ADAMTS17: variants seen among roughly 807,000 people sequenced by gnomAD.
ADAMTS17 encodes A disintegrin and metalloproteinase with thrombospondin motifs 17.
Under a neutral mutation model 141.5 loss-of-function variants are expected in ADAMTS17, and 113 were observed. The observed-to-expected ratio is 0.80, with a 90% CI of 0.69 to 0.93. The LOEUF (loss-of-function observed/expected upper bound fraction) is 0.93, where lower values mean the gene tolerates loss of function less well. ADAMTS17 is among the 40% of genes least tolerant of loss of function. ADAMTS17 has a pLI of 0.00. For missense variants in ADAMTS17, 1,659 were observed against 1,517.9 expected (o/e 1.09, Z -1.54); for synonymous variants, 768 against 630.6 (o/e 1.22, Z -3.27).
intron 18 of ADAMTS17, among the ~76,000 whole-genome samples, chr15:100,021,018 C>T (rs2061397688): frequency 6.6e-6 from 1 of 152,200 alleles, no homozygotes; most frequent in African/African-American, 2.4e-5. Flanking sequence ...GCTAGCTTGG[C>T]TCTTTCCTTG....
intron 3 of ADAMTS17, among the ~76,000 whole-genome samples, chr15:100,302,913 G>A (rs1237631811): frequency 6.6e-6 from 1 of 152,020 alleles, no homozygotes; most frequent in South Asian, 2.1e-4. Flanking sequence ...TGTGAGAAGA[G>A]AAACTGGCCT....
intron 20 of ADAMTS17, among the ~76,000 whole-genome samples, chr15:99,976,792 G>A (rs1395527454): frequency 3.9e-5 from 6 of 152,204 alleles, no homozygotes; most frequent in African/African-American, 1.4e-4. Context: ...CTCCAGAACT[G>A]TAAGGAATAA....
At chr15:100,131,366 G>GAAAAAAA (rs11398544) in intron 12 of ADAMTS17, among the ~76,000 whole-genome samples, 1 of 127,808 alleles carries the variant, frequency 7.8e-6, no homozygotes, top group Admixed American at 8.0e-5. Flanking sequence ...CTTAAAGTAT[G>GAAAAAAA]AAAAAAAAAA....
chr15:100,047,851 C>T (rs984392194), intron 18 of ADAMTS17, among the ~76,000 whole-genome samples: 2 of 152,144 alleles, frequency 1.3e-5, no homozygotes, highest in Non-Finnish European at 1.5e-5. Flanking sequence ...CTGCTCATAC[C>T]GAGGTGCTCA....
intron 3 of ADAMTS17, among the ~76,000 whole-genome samples, chr15:100,290,172 T>C (rs527705416): frequency 1.2e-4 from 18 of 152,186 alleles, no homozygotes; most frequent in Non-Finnish European, 2.5e-4. Context: ...GTTTCAGATA[T>C]ATAATCAATG....
At chr15:99,982,213 C>T (rs76760562) in intron 20 of ADAMTS17, among the ~76,000 whole-genome samples, 1,659 of 152,322 alleles carry the variant, frequency 0.011, 33 homozygotes, top group African/African-American at 0.038. Flanking sequence ...AGTGAATGCA[C>T]GGCCAAGCGC....
At position 100,287,556 on chromosome 15, in the gene ADAMTS17, G is replaced by A. The variant is rs574846941; in HGVS notation, c.617-6155C>T. ...AGAACCCCTGAAAGATCCTATACAA[G>A]ATGACCATCCCCAAGACACACAGTC... On this transcript the variant is annotated intron_variant, in intron 3 of 21. Coordinates refer to ENST00000268070, the MANE Select transcript of ADAMTS17 (RefSeq NM_139057.4). Among the ~76,000 whole-genome samples the A allele has an allele frequency of 7.2e-5, 11 of 152,252 alleles. No homozygotes were observed. In the South Asian group the frequency reaches 2.1e-3, roughly 29 times the overall value.
chr15:100,157,623 G>A (rs912794120), intron 8 of ADAMTS17, among the ~76,000 whole-genome samples: 5 of 152,148 alleles, frequency 3.3e-5, no homozygotes, highest in African/African-American at 7.2e-5. Flanking sequence ...GGTGCAAAGC[G>A]AGCATTTGGT....
chr15:100,310,656 C>T (rs1596494592), intron 3 of ADAMTS17, among the ~76,000 whole-genome samples: 1 of 152,216 alleles, frequency 6.6e-6, no homozygotes, highest in Non-Finnish European at 1.5e-5. Flanking sequence ...GTTGCATCCA[C>T]ACCACCACCA....
At chr15:100,066,382 AT>A (rs34587489) in intron 15 of ADAMTS17, among the ~76,000 whole-genome samples, 7 of 150,640 alleles carry the variant, frequency 4.6e-5, no homozygotes, top group South Asian at 2.1e-4. Flanking sequence ...CACGTCTTAG[AT>A]TTTTTTTTTT....
Position 100,051,624 on chromosome 15 carries a change from CAA to C in ADAMTS17, c.2401_2402del (p.Leu801ValfsTer41), listed in dbSNP as rs1467274842. 3 of 1,614,190 alleles carry C rather than the reference CAA, an allele frequency of 1.9e-6. No homozygotes were observed. The highest frequency in any genetic ancestry group is 1.1e-5 in the South Asian group (1 of 91,084). Reference sequence around the variant, plus strand: ...CCCAGCCGCTGTGGGTCCAGATGAACAAAGAGTCCTGCGGTTTTTCTGGTTCG... The same window carrying C: ...CCCAGCCGCTGTGGGTCCAGATGAACAGAGTCCTGCGGTTTTTCTGGTTCG... ...QSEPEKPQDS[L>X]FIWTHSGWEG... On this transcript the variant is annotated frameshift_variant, in exon 17 of 22. Transcript: ENST00000268070. LOFTEE classifies it high-confidence loss of function.
At chr15:100,188,812 A>G (rs74617151) in intron 8 of ADAMTS17, among the ~76,000 whole-genome samples, 3,465 of 152,334 alleles carry the variant, frequency 0.023, 154 homozygotes, top group African/African-American at 0.078. Flanking sequence ...CTAGCACTGC[A>G]CAGGCAGCAA....
At chr15:100,337,668 G>A (rs1362639849) in intron 2 of ADAMTS17, among the ~76,000 whole-genome samples, 1 of 151,974 alleles carries the variant, frequency 6.6e-6, no homozygotes, top group Non-Finnish European at 1.5e-5. Flanking sequence ...CCCAAGCTTT[G>A]TGAGTATCAT....
At chr15:100,225,642 T>TCACAGCAG (rs2042277122) in intron 7 of ADAMTS17, among the ~76,000 whole-genome samples, 1 of 143,660 alleles carries the variant, frequency 7.0e-6, no homozygotes, top group African/African-American at 2.7e-5. Flanking sequence ...CATTCAGTCC[T>TCACAGCAG]TACAGCAGTC....
chr15:100,251,705 T>C (rs1357682089), intron 7 of ADAMTS17, among the ~76,000 whole-genome samples: 1 of 152,200 alleles, frequency 6.6e-6, no homozygotes, highest in Admixed American at 6.5e-5. Flanking sequence ...GCCACTGCAC[T>C]CCAGCCTGGG....
At chr15:100,132,227 T>C (rs2038089836) in intron 11 of ADAMTS17, 75 bp from the exon 12 acceptor site, 1 of 1,555,538 alleles carries the variant, frequency 6.4e-7, no homozygotes, top group Non-Finnish European at 8.7e-7. Context: ...GGCCCCAAAA[T>C]GCCGTGCTGC....
chr15:100,011,026 C>T (rs969321302), intron 18 of ADAMTS17, among the ~76,000 whole-genome samples: 19 of 151,960 alleles, frequency 1.3e-4, no homozygotes, highest in South Asian at 2.1e-4. Flanking sequence ...GGCGGTTCTA[C>T]GTGCAGAGAG....
chr15:100,331,190 T>A, intron 2 of ADAMTS17, 136 bp from the exon 3 acceptor site: 2 of 1,122,276 alleles, frequency 1.8e-6, no homozygotes, highest in Non-Finnish European at 1.3e-6. Context: ...TGCAGATTGG[T>A]CAGATTTACC....
intron 6 of ADAMTS17, among the ~76,000 whole-genome samples, chr15:100,259,527 G>A (rs1010166630): frequency 1.3e-5 from 2 of 152,214 alleles, no homozygotes; most frequent in Non-Finnish European, 2.9e-5. Flanking sequence ...CATGGGCCAG[G>A]TCATGTTCAT....
Sources: allele counts gnomAD v4.1 joint callset (sites outside exome capture counted in the v4.1 genomes callset), GRCh38; gene constraint gnomAD v4.1.1; transcripts MANE v1.5; gene names NCBI Gene and HGNC (gene_info 2026-07-23, HGNC 2026-07-21).